PCGF5: variants seen among roughly 807,000 people sequenced by gnomAD.
PCGF5 encodes polycomb group RING finger protein 5.
A neutral mutation model predicts 44.3 loss-of-function variants in PCGF5; 9 were observed. The ratio of observed to expected loss-of-function variants is 0.20; its 90% CI spans 0.12 to 0.35. PCGF5 has a LOEUF of 0.35. Among genes scored for constraint, PCGF5 ranks in the 10% least tolerant of loss-of-function variants. The probability of loss-of-function intolerance (pLI) is 1.00; values close to 1 mark genes in which losing one functional copy is unlikely to be tolerated. For synonymous variants in PCGF5, 95 were observed against 102.5 expected, an observed-to-expected ratio of 0.93 and a Z score of 0.44; for missense variants, 146 against 305.3, an observed-to-expected ratio of 0.48 and a Z score of 3.89.
rs1347865991 is a variant in PCGF5 at position 91,227,992 on chromosome 10, A to G, written c.112+5009A>G. 3 of 907,672 alleles carry G rather than the reference A, an allele frequency of 3.3e-6. No individual in the cohort carries two copies. The African/African-American group carries it at 5.4e-5, about 16-fold the overall frequency. 56.2% of individuals were successfully genotyped at this position (907,672 alleles called of 1,614,324 possible). A position where few individuals can be genotyped will look rare whatever the true frequency, so the allele number is the denominator to read the frequency against. ...TGTGTATTTTTCCTTTCAAAGATTC[A>G]AATGCAGTGATAGGTAACTTGAAAC... is the stretch of plus-strand genomic sequence containing the variant. On this transcript the variant is annotated intron_variant, in intron 2 of 9. Coordinates refer to ENST00000336126, the MANE Select transcript of PCGF5 (RefSeq NM_032373.5).
At position 91,278,481 on chromosome 10, in the gene PCGF5, C is replaced by G. The variant is rs1326275985; in HGVS notation, c.*165C>G. On this transcript the variant is annotated 3_prime_UTR_variant, in exon 10 of 10. Transcript: ENST00000336126. Reference sequence around the variant, plus strand: ...ATTGTCAGTTGCATTCATGTTGTTTCTATTAGGAGCAAACCAAGTGCCATT... The same window carrying G: ...ATTGTCAGTTGCATTCATGTTGTTTGTATTAGGAGCAAACCAAGTGCCATT... 3 of 646,188 alleles carry G rather than the reference C, an allele frequency of 4.6e-6. No homozygotes were observed. Among genetic ancestry groups the G allele is most frequent in the African/African-American group, 3.6e-5 (2 of 55,162 alleles). 40.0% of individuals were successfully genotyped at this position (646,188 alleles called of 1,614,324 possible).
At chr10:91,184,680 T>A (rs1843885488) in intron 1 of PCGF5, among the ~76,000 whole-genome samples, 2 of 152,180 alleles carry the variant, frequency 1.3e-5, no homozygotes, top group African/African-American at 2.4e-5. Flanking sequence ...TTCTTTCTCA[T>A]CTTTGTGGGC....
intron 2 of PCGF5, among the ~76,000 whole-genome samples, chr10:91,223,507 G>A (rs1844735151): frequency 6.6e-6 from 1 of 152,132 alleles, no homozygotes; most frequent in South Asian, 2.1e-4. Flanking sequence ...AGGTGATTCT[G>A]AAGCATGCTT....
chr10:91,251,004 A>G (rs1346309244), intron 5 of PCGF5, among the ~76,000 whole-genome samples: 2 of 151,718 alleles, frequency 1.3e-5, no homozygotes, highest in Non-Finnish European at 2.9e-5. Flanking sequence ...ACTAATTGTA[A>G]TCATTTTTTT....
At chr10:91,208,183 T>A (rs1162781827) in intron 1 of PCGF5, among the ~76,000 whole-genome samples, 2 of 152,170 alleles carry the variant, frequency 1.3e-5, no homozygotes, top group Non-Finnish European at 2.9e-5. Flanking sequence ...CTTACATAAG[T>A]TGACATTCTC....
intron 8 of PCGF5, 102 bp downstream of exon 8, chr10:91,264,622 G>A: frequency 1.1e-6 from 1 of 872,860 alleles, no homozygotes. Context: ...ACTAGCTTGG[G>A]AAGGAGAAGA....
chr10:91,257,595 T>C lies in PCGF5; in HGVS notation c.475-3731T>C, dbSNP rs555466035. Among the ~76,000 whole-genome samples, 5 of 152,208 alleles carry C rather than the reference T, an allele frequency of 3.3e-5. No individual in the cohort carries two copies. In the East Asian group the frequency reaches 9.6e-4, roughly 29 times the overall value. On this transcript the variant is annotated intron_variant, in intron 6 of 9. Coordinates refer to ENST00000336126, the MANE Select transcript of PCGF5 (RefSeq NM_032373.5). ...AAGTCACTAATGGACAGGTGGCCTA[T>C]ACAGCATGAATATGCTGGACAAAGG...
chr10:91,184,099 G>T (rs568853554), intron 1 of PCGF5, among the ~76,000 whole-genome samples: 1 of 152,080 alleles, frequency 6.6e-6, no homozygotes, highest in African/African-American at 2.4e-5. Flanking sequence ...GAATTTGAAG[G>T]TTGGCCTGTC....
chr10:91,178,813 C>G (rs1213835906), intron 1 of PCGF5, among the ~76,000 whole-genome samples: 1 of 152,020 alleles, frequency 6.6e-6, no homozygotes, highest in Non-Finnish European at 1.5e-5. Context: ...AAATGATTTA[C>G]TTGTGTCCAG....
At chr10:91,254,590 C>T (rs1845703382) in intron 6 of PCGF5, among the ~76,000 whole-genome samples, 2 of 151,998 alleles carry the variant, frequency 1.3e-5, no homozygotes, top group South Asian at 4.1e-4. Context: ...GACACAATGT[C>T]TGTATTGCTT....
At chr10:91,271,464 A>G (rs1846180468) in intron 8 of PCGF5, among the ~76,000 whole-genome samples, 174 bp from the exon 9 acceptor site, 1 of 152,248 alleles carries the variant, frequency 6.6e-6, no homozygotes, top group Non-Finnish European at 1.5e-5. Context: ...TTTACCAGTT[A>G]CTAAGTTATT....
chr10:91,206,481 T>TA (rs1242588841), intron 1 of PCGF5, among the ~76,000 whole-genome samples: 2 of 152,124 alleles, frequency 1.3e-5, no homozygotes, highest in Admixed American at 6.5e-5. Context: ...ATGAGGAAGA[T>TA]ATCACCTGGG....
intron 1 of PCGF5, chr10:91,163,212 G>T (rs1461537838): frequency 1.3e-5 from 2 of 150,150 alleles, no homozygotes; most frequent in Non-Finnish European, 3.0e-5. Flanking sequence ...GGGCGGGAGG[G>T]GGCCGCCTGG....
chr10:91,176,691 A>G (rs149277172), intron 1 of PCGF5, among the ~76,000 whole-genome samples: 14,539 of 152,178 alleles, frequency 0.096, 1,200 homozygotes, highest in African/African-American at 0.22. Flanking sequence ...CTTCCAGTTG[A>G]TCGAATCAGC....
Position 91,280,191 on chromosome 10 carries a change from C to T in PCGF5, c.*1875C>T, listed in dbSNP as rs1412934915. ...ATTTTTCTATGGTGTGAAACTGTTC[C>T]CAGACATCCCTAAGAACTTTTACAA... On this transcript the variant is annotated 3_prime_UTR_variant, in exon 10 of 10. Coordinates refer to ENST00000336126, the MANE Select transcript of PCGF5 (RefSeq NM_032373.5). 1.3e-5 allele frequency: 2 copies of T among 151,906 alleles called. No homozygotes were observed. The highest frequency in any genetic ancestry group is 3.9e-4 in the East Asian group (2 of 5,194). The allele number at this position is 151,906 out of a possible 1,614,324, so 9.4% of individuals were successfully genotyped here.
In PCGF5 at chr10:91,278,608, A is replaced by G. The variant is rs1482509693; in HGVS notation, c.*292A>G. 2 of 362,224 alleles carry G rather than the reference A, an allele frequency of 5.5e-6. No homozygotes were observed. Among genetic ancestry groups the G allele is most frequent in the Admixed American group, 8.6e-5 (2 of 23,144 alleles). 22.4% of individuals were successfully genotyped at this position (362,224 alleles called of 1,614,324 possible). A position where few individuals can be genotyped will look rare whatever the true frequency, so the allele number is the denominator to read the frequency against. ...GCCGCCATGATTCACCCTTCTGAAT[A>G]TTTTGCTTGCCTGTTCCAAGATTGT... On this transcript the variant is annotated 3_prime_UTR_variant, in exon 10 of 10. Transcript: ENST00000336126.
chr10:91,188,558 A>G (rs957515059), intron 1 of PCGF5, among the ~76,000 whole-genome samples: 1 of 152,184 alleles, frequency 6.6e-6, no homozygotes, highest in African/African-American at 2.4e-5. Flanking sequence ...TCCCTTATGT[A>G]CCTACTATTT....
At chr10:91,177,817 G>A (rs1843739144) in intron 1 of PCGF5, among the ~76,000 whole-genome samples, 2 of 152,206 alleles carry the variant, frequency 1.3e-5, no homozygotes, top group Admixed American at 1.3e-4. Flanking sequence ...CCCTTTCCTT[G>A]GCTAGGGAAG....
chr10:91,163,910 G>A (rs1843444840), intron 1 of PCGF5, among the ~76,000 whole-genome samples: 1 of 152,184 alleles, frequency 6.6e-6, no homozygotes, highest in Non-Finnish European at 1.5e-5. Context: ...GGCAGCGGCC[G>A]AAACGTGCTA....
Sources: allele counts gnomAD v4.1 joint callset (sites outside exome capture counted in the v4.1 genomes callset), GRCh38; gene constraint gnomAD v4.1.1; transcripts MANE v1.5; gene names NCBI Gene and HGNC (gene_info 2026-07-23, HGNC 2026-07-21).